The following TMEM33 variants were observed in gnomAD, a reference collection of about 807,000 sequenced individuals.
TMEM33 encodes the protein transmembrane protein 33.
TMEM33 carries 16 observed loss-of-function variants against 29.7 expected under a neutral mutation model. That is an observed-to-expected ratio of 0.54 (90% CI 0.36 to 0.82). The LOEUF (loss-of-function observed/expected upper bound fraction) is 0.82. TMEM33 is among the 40% of genes least tolerant of loss of function. The pLI is 0.00. For missense variants in TMEM33, 252 were observed against 295.3 expected (o/e 0.85, Z 1.08); for synonymous variants, 112 against 109.4 (o/e 1.02, Z -0.15).
chr4:41,954,753 A>G lies in TMEM33; in HGVS notation c.*554A>G, dbSNP rs1343567305. ...AATGTACCATTATAAGAAGAATTCT[A>G]TGTATCTTAAACTATGATCTTCTAA... is the stretch of plus-strand genomic sequence containing the variant. On this transcript the variant is annotated 3_prime_UTR_variant, in exon 7 of 7. Coordinates refer to ENST00000504986, the MANE Select transcript of TMEM33 (RefSeq NM_018126.3). 6.6e-6 allele frequency: 1 copy of G among 152,648 alleles called. No individual in the cohort carries two copies. Among genetic ancestry groups the G allele is most frequent in the African/African-American group, 2.4e-5 (1 of 41,442 alleles). The allele number at this position is 152,648 out of a possible 1,614,324, so 9.5% of individuals were successfully genotyped here.
Position 41,958,992 on chromosome 4 carries a change from A to AT in TMEM33, c.*4794dup, listed in dbSNP as rs1392353177. On this transcript the variant is annotated 3_prime_UTR_variant, in exon 7 of 7. Transcript: ENST00000504986. ...CTCGACCTCCCAGAGTGCTGGGATT[A>AT]TAGGTGTGAGCCACTAAGCCTGGCT... is the stretch of plus-strand genomic sequence containing the variant. The AT allele has an allele frequency of 2.6e-5, 4 of 152,358 alleles. No individual in the cohort carries two copies. Among genetic ancestry groups the AT allele is most frequent in the African/African-American group, 9.6e-5 (4 of 41,560 alleles). The allele number at this position is 152,358 out of a possible 1,614,324, so 9.4% of individuals were successfully genotyped here. A position where few individuals can be genotyped will look rare whatever the true frequency, so the allele number is the denominator to read the frequency against.
chr4:41,952,119 T>C (rs1713066932), intron 6 of TMEM33, among the ~76,000 whole-genome samples: 1 of 152,012 alleles, frequency 6.6e-6, no homozygotes, highest in African/African-American at 2.4e-5. Context: ...TGAAAGGTAT[T>C]AGGAGATAGG....
intron 6 of TMEM33, among the ~76,000 whole-genome samples, chr4:41,952,214 G>T (rs1209077587): frequency 3.3e-5 from 5 of 152,244 alleles, no homozygotes; most frequent in African/African-American, 1.2e-4. Flanking sequence ...GTGCTCTCAC[G>T]AAGACAGGAG....
At chr4:41,940,267 GT>G (rs945639471) in intron 3 of TMEM33, among the ~76,000 whole-genome samples, 16 of 151,300 alleles carry the variant, frequency 1.1e-4, no homozygotes, top group African/African-American at 3.9e-4. Flanking sequence ...ATTTGTGGTT[GT>G]TTTTTTTCCT....
At chr4:41,951,222 G>A (rs1031875283) in intron 6 of TMEM33, among the ~76,000 whole-genome samples, 2 of 152,092 alleles carry the variant, frequency 1.3e-5, no homozygotes, top group African/African-American at 2.4e-5. Flanking sequence ...AACCACATTT[G>A]ACCTTTAAAT....
intron 3 of TMEM33, among the ~76,000 whole-genome samples, chr4:41,941,874 A>G (rs1391172557): frequency 6.6e-6 from 1 of 152,226 alleles, no homozygotes; most frequent in Admixed American, 6.5e-5. Flanking sequence ...TATCTTTTCT[A>G]AATACATTGT....
chr4:41,943,854 A>G, intron 4 of TMEM33, 40 bp downstream of exon 4: 2 of 1,574,156 alleles, frequency 1.3e-6, no homozygotes, highest in Non-Finnish European at 1.7e-6. Context: ...TGAATTACAG[A>G]TCATTGACAT....
chr4:41,945,753 T>A (rs1712756068), intron 5 of TMEM33, among the ~76,000 whole-genome samples: 1 of 152,030 alleles, frequency 6.6e-6, no homozygotes, highest in Admixed American at 6.6e-5. Context: ...GGCAGATCAC[T>A]TGAGGTCAGG....
chr4:41,942,061 A>G (rs114343010), intron 3 of TMEM33, among the ~76,000 whole-genome samples: 87 of 152,356 alleles, frequency 5.7e-4, no homozygotes, highest in African/African-American at 2.0e-3. Flanking sequence ...TGACAGAGTC[A>G]GGAGTGGAAC....
chr4:41,944,480 T>C (rs1712691360), intron 4 of TMEM33, among the ~76,000 whole-genome samples: 1 of 152,206 alleles, frequency 6.6e-6, no homozygotes, highest in African/African-American at 2.4e-5. Context: ...ACTGTATTAC[T>C]GGATAGTCAG....
intron 6 of TMEM33, among the ~76,000 whole-genome samples, chr4:41,952,574 A>G (rs1713086817): frequency 6.6e-6 from 1 of 152,178 alleles, no homozygotes; most frequent in African/African-American, 2.4e-5. Flanking sequence ...CACAGTTAAG[A>G]CATAGGCAAA....
rs545626796 is a variant in TMEM33, at chr4:41,960,799, T to C, written c.*6600T>C. On this transcript the variant is annotated 3_prime_UTR_variant, in exon 7 of 7. Transcript: ENST00000504986. ...AGGAAAGAAAAATTACATTGATGCC[T>C]CAGCTGTTTGCTTGATTCTGTACTT... is the stretch of plus-strand genomic sequence containing the variant. Among the ~76,000 whole-genome samples the C allele has an allele frequency of 2.5e-4, 38 of 152,312 alleles. No homozygotes were observed. Among genetic ancestry groups the C allele is most frequent in the Middle Eastern group, 3.4e-3 (1 of 292 alleles).
intron 3 of TMEM33, 70 bp from the exon 4 acceptor site, chr4:41,943,677 A>G (rs1577650283): frequency 2.9e-6 from 4 of 1,357,790 alleles, no homozygotes; most frequent in South Asian, 1.2e-5. Flanking sequence ...GTATATTTGG[A>G]CATAATACAT....
rs1389254060 is a variant in TMEM33 at position 41,957,250 on chromosome 4, A to G, written c.*3051A>G. ...ATATCAATCTAAAGAGAAATTTATT[A>G]TGCAATTTGTATTTAGGTTTTTTTT... On this transcript the variant is annotated 3_prime_UTR_variant, in exon 7 of 7. Coordinates refer to ENST00000504986, the MANE Select transcript of TMEM33 (RefSeq NM_018126.3). 1 of 143,724 alleles carries G rather than the reference A, an allele frequency of 7.0e-6. No homozygotes were observed. Among genetic ancestry groups the G allele is most frequent in the East Asian group, 2.1e-4 (1 of 4,864 alleles). 8.9% of individuals were successfully genotyped at this position (143,724 alleles called of 1,614,324 possible).
Position 41,954,916 on chromosome 4 carries a change from T to G in TMEM33, c.*717T>G, listed in dbSNP as rs1011095726. 3 of 152,484 alleles carry G rather than the reference T, an allele frequency of 2.0e-5. No individual in the cohort carries two copies. The highest frequency in any genetic ancestry group is 2.0e-4 in the Admixed American group (3 of 15,278). The allele number at this position is 152,484 out of a possible 1,614,324, so 9.4% of individuals were successfully genotyped here. On this transcript the variant is annotated 3_prime_UTR_variant, in exon 7 of 7. Transcript: ENST00000504986. ...AAAGCAGTAGTGACACAGCTTTCCC[T>G]TCAAAGAGCCATTGAGAAACATTTC... is the stretch of plus-strand genomic sequence containing the variant.
rs1233693644 is a variant in TMEM33 at position 41,954,330 on chromosome 4, G to C, written c.*131G>C. On this transcript the variant is annotated 3_prime_UTR_variant, in exon 7 of 7. Transcript: ENST00000504986. ...ACATAATTTACATAAATGCATCTCG[G>C]TGGAAAAATAATCATTTTCTTGGCA... The C allele has an allele frequency of 1.0e-6, 1 of 999,044 alleles. No individual in the cohort carries two copies. Among genetic ancestry groups the C allele is most frequent in the Non-Finnish European group, 1.4e-6 (1 of 722,304 alleles). The allele number at this position is 999,044 out of a possible 1,614,324, so 61.9% of individuals were successfully genotyped here. A position where few individuals can be genotyped will look rare whatever the true frequency, so the allele number is the denominator to read the frequency against.
At chr4:41,940,769 C>T (rs909208464) in intron 3 of TMEM33, among the ~76,000 whole-genome samples, 1 of 140,346 alleles carries the variant, frequency 7.1e-6, no homozygotes, top group Non-Finnish European at 1.5e-5. Context: ...GATTGTGCCA[C>T]TGCACTCTAG....
At position 41,955,007 on chromosome 4, in the gene TMEM33, C is replaced by T. The variant is rs1462267056; in HGVS notation, c.*808C>T. 5 of 152,708 alleles carry T rather than the reference C, an allele frequency of 3.3e-5. No homozygotes were observed. In the East Asian group the frequency reaches 9.6e-4, roughly 29 times the overall value. The allele number at this position is 152,708 out of a possible 1,614,324, so 9.5% of individuals were successfully genotyped here. A position where few individuals can be genotyped will look rare whatever the true frequency, so the allele number is the denominator to read the frequency against. On this transcript the variant is annotated 3_prime_UTR_variant, in exon 7 of 7. Transcript: ENST00000504986. ...ATTATTCGTATTATAGTTTGTAGAA[C>T]TACCTAGTTCAGAATCTTGACTGCC...
chr4:41,947,396 G>A (rs1425469458), intron 5 of TMEM33, among the ~76,000 whole-genome samples: 1 of 152,062 alleles, frequency 6.6e-6, no homozygotes, highest in African/African-American at 2.4e-5. Context: ...GAGATGCCAT[G>A]CAAACTTAGA....
Sources: allele counts gnomAD v4.1 joint callset (sites outside exome capture counted in the v4.1 genomes callset), GRCh38; gene constraint gnomAD v4.1.1; transcripts MANE v1.5; gene names NCBI Gene and HGNC (gene_info 2026-07-23, HGNC 2026-07-21).